FAM135B: variants seen among roughly 807,000 people sequenced by gnomAD.
FAM135B encodes the protein protein FAM135B.
FAM135B carries 43 observed loss-of-function variants against 127.7 expected under a neutral mutation model. That is an observed-to-expected ratio of 0.34 (90% CI 0.26 to 0.43). FAM135B has a LOEUF of 0.43. FAM135B is among the 20% of genes least tolerant of loss of function. The pLI, the probability that FAM135B is intolerant of heterozygous loss-of-function variation, is 1.00. For missense variants in FAM135B, 1,558 were observed against 1,725.6 expected (o/e 0.90, Z 1.72); for synonymous variants, 670 against 665.1 (o/e 1.01, Z -0.11).
intron 2 of FAM135B, among the ~76,000 whole-genome samples, chr8:138,329,173 T>C (rs944384674): frequency 6.6e-6 from 1 of 151,914 alleles, no homozygotes; most frequent in Admixed American, 6.6e-5. Flanking sequence ...GAGATACAGA[T>C]GGATGGATGG....
intron 1 of FAM135B, among the ~76,000 whole-genome samples, chr8:138,449,466 G>C (rs1382859400): frequency 6.6e-6 from 1 of 152,044 alleles, no homozygotes; most frequent in African/African-American, 2.4e-5. Context: ...GCTGGACGTG[G>C]GGAGGGGGGC....
intron 2 of FAM135B, among the ~76,000 whole-genome samples, chr8:138,348,752 T>C (rs1372840847): frequency 6.6e-6 from 1 of 152,256 alleles, no homozygotes; most frequent in Non-Finnish European, 1.5e-5. Context: ...GTGAATCCAA[T>C]TGATCTTCCT....
intron 1 of FAM135B, among the ~76,000 whole-genome samples, chr8:138,413,936 C>T (rs1587391823): frequency 6.6e-6 from 1 of 151,582 alleles, no homozygotes; most frequent in African/African-American, 2.4e-5. Flanking sequence ...GCTAGGCCTA[C>T]ACCCTTCACT....
intron 1 of FAM135B, among the ~76,000 whole-genome samples, chr8:138,396,921 G>A (rs1051545023): frequency 6.6e-6 from 1 of 152,174 alleles, no homozygotes; most frequent in African/African-American, 2.4e-5. Flanking sequence ...TAAGACAAAT[G>A]TGGCTCATTC....
intron 2 of FAM135B, among the ~76,000 whole-genome samples, chr8:138,357,731 C>T (rs1830180162): frequency 6.6e-6 from 1 of 152,056 alleles, no homozygotes; most frequent in Non-Finnish European, 1.5e-5. Context: ...GGCCCAAGAT[C>T]TACTCAAAAA....
At chr8:138,201,721 A>G (rs72723604) in intron 7 of FAM135B, among the ~76,000 whole-genome samples, 3,869 of 152,232 alleles carry the variant, frequency 0.025, 69 homozygotes, top group South Asian at 0.043. Context: ...TGAAACCCCT[A>G]AATAATAAAA....
chr8:138,314,725 T>TAAATAAATAAATAAATA (rs766795967), intron 2 of FAM135B, among the ~76,000 whole-genome samples: 17,388 of 48,494 alleles, frequency 0.36, 1,393 homozygotes, highest in Non-Finnish European at 0.38. Flanking sequence ...ATAAATAAAT[T>TAAATAAATAAATAAATA]AGCTGGGTGT....
chr8:138,316,042 T>TA (rs1563890273), intron 2 of FAM135B, among the ~76,000 whole-genome samples: 1 of 152,006 alleles, frequency 6.6e-6, no homozygotes, highest in African/African-American at 2.4e-5. Flanking sequence ...AAATTTAAAA[T>TA]AAAAAAAGAA....
chr8:138,137,368 T>C, intron 18 of FAM135B, 108 bp from the exon 19 acceptor site: 1 of 705,412 alleles, frequency 1.4e-6, no homozygotes, highest in East Asian at 2.5e-5. Flanking sequence ...AGAAAAAATG[T>C]TGACACACCA....
chr8:138,357,361 T>C (rs1214596838), intron 2 of FAM135B, among the ~76,000 whole-genome samples: 1 of 152,176 alleles, frequency 6.6e-6, no homozygotes, highest in Non-Finnish European at 1.5e-5. Flanking sequence ...TTATTAATTA[T>C]GTTGTAAAAA....
intron 1 of FAM135B, among the ~76,000 whole-genome samples, chr8:138,396,970 A>C (rs1459660998): frequency 6.6e-6 from 1 of 152,316 alleles, no homozygotes; most frequent in East Asian, 1.9e-4. Flanking sequence ...CAAACTAAAA[A>C]ATGTATAAAA....
At chr8:138,379,549 C>G (rs1315622237) in intron 1 of FAM135B, among the ~76,000 whole-genome samples, 2 of 151,956 alleles carry the variant, frequency 1.3e-5, no homozygotes, top group Non-Finnish European at 2.9e-5. Flanking sequence ...ACAGGATAAC[C>G]TGGATGAAGC....
chr8:138,306,447 AAAAAAAAAAAGAAAGAAAAGGAAACTACC>A (rs1398535297), intron 3 of FAM135B, among the ~76,000 whole-genome samples: 1 of 144,068 alleles, frequency 6.9e-6, no homozygotes, highest in East Asian at 2.1e-4. Flanking sequence ...AAAAAAAAGA[AAAAAAAAAAAGAAAGAAAAGGAAACTACC>A]AGATGAGACT....
At chr8:138,260,019 G>A (rs147341296) in intron 4 of FAM135B, among the ~76,000 whole-genome samples, 73 of 152,268 alleles carry the variant, frequency 4.8e-4, no homozygotes, top group African/African-American at 1.7e-3. Context: ...AGATTAGGGT[G>A]CAAGTACAAA....
At chr8:138,286,380 T>C (rs955695388) in intron 3 of FAM135B, among the ~76,000 whole-genome samples, 4 of 152,178 alleles carry the variant, frequency 2.6e-5, no homozygotes, top group African/African-American at 7.2e-5. Flanking sequence ...AAAGAAGACA[T>C]ATGCAGATGT....
intron 9 of FAM135B, among the ~76,000 whole-genome samples, chr8:138,187,546 A>C (rs1212262054): frequency 6.6e-6 from 1 of 152,122 alleles, no homozygotes; most frequent in Non-Finnish European, 1.5e-5. Flanking sequence ...GTGGTGTGTA[A>C]GTTTCTGTAA....
At chr8:138,478,384 T>C (rs1399062012) in intron 1 of FAM135B, among the ~76,000 whole-genome samples, 3 of 152,206 alleles carry the variant, frequency 2.0e-5, no homozygotes, top group Non-Finnish European at 2.9e-5. Flanking sequence ...CCTATCAACA[T>C]GGGGGTGCAT....
At chr8:138,423,949 T>C (rs1834684759) in intron 1 of FAM135B, among the ~76,000 whole-genome samples, 3 of 152,140 alleles carry the variant, frequency 2.0e-5, no homozygotes, top group Admixed American at 2.0e-4. Flanking sequence ...ATTTCTCCCA[T>C]TTGCTTTTGA....
intron 1 of FAM135B, among the ~76,000 whole-genome samples, chr8:138,416,692 AAGATGGCTGACT>A (rs990938888): frequency 1.3e-5 from 2 of 152,206 alleles, no homozygotes; most frequent in Non-Finnish European, 2.9e-5. Context: ...ACTTTTGAGC[AAGATGGCTGACT>A]AGATGTGGAC....
Sources: allele counts gnomAD v4.1 joint callset (sites outside exome capture counted in the v4.1 genomes callset), GRCh38; gene constraint gnomAD v4.1.1; transcripts MANE v1.5; gene names NCBI Gene and HGNC (gene_info 2026-07-23, HGNC 2026-07-21).